The following EPCAM variants were observed in gnomAD, a reference collection of about 807,000 sequenced individuals.
The protein encoded by EPCAM is epithelial cell adhesion molecule.
In EPCAM, 39 loss-of-function variants were observed where a neutral mutation model predicts 40.0. The ratio of observed to expected loss-of-function variants is 0.98; its 90% CI spans 0.76 to 1.27. The LOEUF (loss-of-function observed/expected upper bound fraction) is 1.27. EPCAM is among the 50% of genes most tolerant of loss of function. The pLI is 0.00. For synonymous variants in EPCAM, 168 were observed against 132.3 expected (o/e 1.27, Z -1.85); for missense variants, 503 against 381.2 (o/e 1.32, Z -2.66).
chr2:47,370,365 G>A (rs1241654060), intron 1 of EPCAM, among the ~76,000 whole-genome samples: 3 of 151,060 alleles, frequency 2.0e-5, no homozygotes, highest in Non-Finnish European at 4.4e-5. Flanking sequence ...TTCGCCTCCC[G>A]GGTTCAAGTG....
At chr2:47,372,350 G>A (rs1021182901) in intron 1 of EPCAM, among the ~76,000 whole-genome samples, 16 of 151,848 alleles carry the variant, frequency 1.1e-4, no homozygotes, top group Non-Finnish European at 2.9e-5. Context: ...TAAAAGAGGC[G>A]GTGACAGCCG....
At chr2:47,375,635 AGT>A (rs2103750751) in intron 4 of EPCAM, among the ~76,000 whole-genome samples, 1 of 152,260 alleles carries the variant, frequency 6.6e-6, no homozygotes, top group Non-Finnish European at 1.5e-5. Flanking sequence ...TAAGTACTTC[AGT>A]GTATGTTTTC....
At chr2:47,370,569 C>G (rs1031873234) in intron 1 of EPCAM, among the ~76,000 whole-genome samples, 1 of 149,436 alleles carries the variant, frequency 6.7e-6, no homozygotes, top group Admixed American at 6.7e-5. Context: ...GCCACCGTGC[C>G]CGGCCTATTT....
intron 7 of EPCAM, among the ~76,000 whole-genome samples, chr2:47,382,644 T>C (rs765590805): frequency 2.6e-5 from 4 of 152,074 alleles, no homozygotes; most frequent in Non-Finnish European, 5.9e-5. Flanking sequence ...CGAGATCATG[T>C]CATTGCACTC....
intron 7 of EPCAM, among the ~76,000 whole-genome samples, chr2:47,382,836 T>C (rs1342313337): frequency 6.6e-6 from 1 of 152,182 alleles, no homozygotes; most frequent in East Asian, 1.9e-4. Flanking sequence ...TCTGGAATGG[T>C]TGCTATGATG....
chr2:47,373,736 G>A (rs2103746656), intron 2 of EPCAM, 72 bp from the exon 3 acceptor site: 1 of 1,594,962 alleles, frequency 6.3e-7, no homozygotes. Context: ...TGGAACTTTA[G>A]AGTTAATTTT....
rs1396895872 is a variant in EPCAM, at chr2:47,379,920, C to G, written c.809C>G (p.Ala270Gly). ...SMQGLKAGVI[A>G]VIVVVVIAVV... ...CAGGGTCTAAAAGCTGGTGTTATTG[C>G]TGTTATTGTGGTTGTGGTGATAGCA... is the stretch of plus-strand genomic sequence containing the variant. Residue 270 changes from alanine to glycine, a missense_variant, in exon 7 of 9, where the codon GCT becomes GGT. Coordinates refer to ENST00000263735, the MANE Select transcript of EPCAM (RefSeq NM_002354.3). 1 of 1,613,992 alleles carries G rather than the reference C, an allele frequency of 6.2e-7. No homozygotes were observed. The highest frequency in any genetic ancestry group is 8.5e-7 in the Non-Finnish European group (1 of 1,179,992).
chr2:47,370,295 T>A (rs1671218218), intron 1 of EPCAM, among the ~76,000 whole-genome samples: 1 of 152,200 alleles, frequency 6.6e-6, no homozygotes, highest in Non-Finnish European at 1.5e-5. Context: ...TTTTTGAGAC[T>A]GAGTCTTGCT....
In EPCAM at chr2:47,373,828, A is replaced by G. The variant is rs750663208; in HGVS notation, c.205A>G (p.Met69Val). 3 of 1,613,950 alleles carry G rather than the reference A, an allele frequency of 1.9e-6. No individual in the cohort carries two copies. Among genetic ancestry groups the G allele is most frequent in the Non-Finnish European group, 2.5e-6 (3 of 1,180,012 alleles). The change falls in exon 3 of 9, where the codon ATG becomes GTG. Residue 69 changes from methionine (M) to valine (V), a missense_variant. Met to Val is a conservative substitution (Grantham distance 21). Transcript: ENST00000263735. ...TTCAGTGGCTGCCAAATGTTTGGTGATGAAGGCAGAAATGAATGGCTCAAA... is the reference window on the plus strand; with the variant it reads ...TTCAGTGGCTGCCAAATGTTTGGTGGTGAAGGCAGAAATGAATGGCTCAAA... ...CSKLAAKCLVMKAEMNGSKLG... is the reference protein window; with the variant it reads ...CSKLAAKCLVVKAEMNGSKLG...
chr2:47,376,600 T>A (rs1412544967), intron 4 of EPCAM, among the ~76,000 whole-genome samples: 1 of 152,184 alleles, frequency 6.6e-6, no homozygotes, highest in Non-Finnish European at 1.5e-5. Context: ...TATGCATTTT[T>A]GACAGGAAAA....
At position 47,378,937 on chromosome 2, in the gene EPCAM, CA is replaced by C. The variant is rs745984179; in HGVS notation, c.556-14del. 1.8e-6 allele frequency: 2 copies of C among 1,088,400 alleles called. No homozygotes were observed. The highest frequency in any genetic ancestry group is 2.9e-6 in the Non-Finnish European group (2 of 701,742). The allele number at this position is 1,088,400 out of a possible 1,614,324, so 67.4% of individuals were successfully genotyped here. The stretch of plus-strand genomic sequence containing the variant: ...TATATTAGTATTAATTTGTATTATT[CA>C]ATTTTTTTCCCCAGTATGAGAATAA... On this transcript the variant is annotated splice_polypyrimidine_tract_variant and intron_variant, in intron 5 of 8. Transcript: ENST00000263735.
intron 8 of EPCAM, among the ~76,000 whole-genome samples, chr2:47,385,428 G>A (rs1671719184): frequency 1.3e-5 from 2 of 152,066 alleles, no homozygotes; most frequent in African/African-American, 2.4e-5. Flanking sequence ...ATAGAAGAGT[G>A]GAATGGGAAG....
rs1671508543 is a variant in EPCAM, at chr2:47,379,157, A to T, written c.657+103A>T. ...CTTTTTATCCACTTACAGATCAACC[A>T]AATGGTTCGCTGCTGCCGTTAATTT... On this transcript the variant is annotated intron_variant, in intron 6 of 8. Coordinates refer to ENST00000263735, the MANE Select transcript of EPCAM (RefSeq NM_002354.3). The T allele has an allele frequency of 1.1e-5, 8 of 744,710 alleles. No individual in the cohort carries two copies. The East Asian group carries it at 2.1e-4, about 19-fold the overall frequency. The allele number at this position is 744,710 out of a possible 1,614,324, so 46.1% of individuals were successfully genotyped here. A position where few individuals can be genotyped will look rare whatever the true frequency, so the allele number is the denominator to read the frequency against.
intron 1 of EPCAM, among the ~76,000 whole-genome samples, chr2:47,373,205 TAAAAA>T (rs777057814): frequency 1.8e-3 from 118 of 65,054 alleles, no homozygotes; most frequent in Admixed American, 4.1e-3. Context: ...ACCCTATCTT[TAAAAA>T]AAAAAAAAAA....
At chr2:47,386,449 A>G in intron 8 of EPCAM, 123 bp from the exon 9 acceptor site, 1 of 719,724 alleles carries the variant, frequency 1.4e-6, no homozygotes, top group Non-Finnish European at 2.3e-6. Flanking sequence ...AATAAGTCTT[A>G]TAAATGTGGG....
intron 7 of EPCAM, among the ~76,000 whole-genome samples, chr2:47,382,242 G>A (rs1479204192): frequency 1.3e-5 from 2 of 152,160 alleles, no homozygotes; most frequent in Non-Finnish European, 2.9e-5. Flanking sequence ...AAGAAAGAAT[G>A]ACAACAGGTA....
Position 47,385,172 on chromosome 2 carries a change from T to G in EPCAM, c.865T>G (p.Ser289Ala), listed in dbSNP as rs1216563595. 2 of 1,612,506 alleles carry G rather than the reference T, an allele frequency of 1.2e-6. No homozygotes were observed. Among genetic ancestry groups the G allele is most frequent in the Non-Finnish European group, 1.7e-6 (2 of 1,178,770 alleles). The change falls in exon 8 of 9, where the codon TCC becomes GCC. Residue 289 changes from serine (S) to alanine (A), a missense_variant. By Grantham distance (99) the Ser-to-Ala change is moderately conservative. Coordinates refer to ENST00000263735, the MANE Select transcript of EPCAM (RefSeq NM_002354.3). ...VVAGIVVLVI[S>A]RKKRMAKYEK... ...TTGTCTTTCTTCCACTCAGGTTATT[T>G]CCAGAAAGAAGAGAATGGCAAAGTA...
intron 7 of EPCAM, among the ~76,000 whole-genome samples, chr2:47,384,506 C>A (rs1250810495): frequency 6.7e-6 from 1 of 150,360 alleles, no homozygotes; most frequent in Non-Finnish European, 1.5e-5. Flanking sequence ...CTCTGCCTCT[C>A]GGGTTCAAGT....
Position 47,383,607 on chromosome 2 carries a change from CTT to C in EPCAM, c.859-1515_859-1514del, listed in dbSNP as rs760722807. On this transcript the variant is annotated intron_variant, in intron 7 of 8. Coordinates refer to ENST00000263735, the MANE Select transcript of EPCAM (RefSeq NM_002354.3). ...CATGAGCCACTGTGCCCGGCTTCTT[CTT>C]TTTTTTTTTTTTTTTTTTTTTTTTT... Among the ~76,000 whole-genome samples the C allele has an allele frequency of 1.0e-3, 37 of 36,480 alleles. 2 individuals are homozygous for C. Among genetic ancestry groups the C allele is most frequent in the South Asian group, 3.3e-3 (3 of 902 alleles). The allele number at this position is 36,480 out of a possible 152,430, so 23.9% of individuals were successfully genotyped here. A position where few individuals can be genotyped will look rare whatever the true frequency, so the allele number is the denominator to read the frequency against.
Sources: gnomAD v4.1 joint callset for allele counts (sites outside exome capture counted in the v4.1 genomes callset) on GRCh38, gnomAD v4.1.1 for gene constraint, MANE v1.5 for transcripts, NCBI Gene and HGNC (gene_info 2026-07-23, HGNC 2026-07-21) for gene names.